The following FRMPD4 variants were observed in gnomAD, a reference collection of about 807,000 sequenced individuals.
FRMPD4 encodes FERM and PDZ domain-containing protein 4.
Under a neutral mutation model 94.1 loss-of-function variants are expected in FRMPD4, and 22 were observed. The ratio of observed to expected loss-of-function variants is 0.23; its 90% CI spans 0.17 to 0.33. FRMPD4 has a LOEUF of 0.33. Among genes scored for constraint, FRMPD4 ranks in the 10% least tolerant of loss-of-function variants. FRMPD4 has a pLI of 1.00. For synonymous variants in FRMPD4, 631 were observed against 548.6 expected, an observed-to-expected ratio of 1.15 and a Z score of -2.10; for missense variants, 1,111 against 1,339.9, an observed-to-expected ratio of 0.83 and a Z score of 2.67.
chrX:11,862,431 A>T (rs750392124), intron 1 of FRMPD4, among the ~76,000 whole-genome samples: 6 of 111,432 alleles, frequency 5.4e-5, no homozygotes, highest in Admixed American at 9.5e-5. Flanking sequence ...GATTGGGGAA[A>T]ATTTGGATGC....
At chrX:12,538,261 G>A (rs1030526465) in intron 2 of FRMPD4, among the ~76,000 whole-genome samples, 4 of 111,449 alleles carry the variant, frequency 3.6e-5, no homozygotes, top group African/African-American at 9.8e-5. Context: ...TGAACTGAAA[G>A]GCAGCAGCAG....
At chrX:11,838,395 G>T (rs1332542213) in intron 1 of FRMPD4, among the ~76,000 whole-genome samples, 5 of 111,553 alleles carry the variant, frequency 4.5e-5, no homozygotes. Flanking sequence ...TTGGTGTATT[G>T]TGCAAAAGTT....
Position 12,463,681 on chromosome X carries a change from G to GTGTTTTTT in FRMPD4, c.42-34998_42-34997insGTTTTTTT, listed in dbSNP as rs1555969426. ...GGGTGCCTGTGCCTCCTATGTGTGTGTTTTTTTTTTGTTTTTGTTTTTTTT... is the reference window on the plus strand; with the variant it reads ...GGGTGCCTGTGCCTCCTATGTGTGTGTGTTTTTTTTTTTTTTTTGTTTTTGTTTTTTTT... On this transcript the variant is annotated intron_variant, in intron 1 of 16. Transcript: ENST00000675598. Among the ~76,000 whole-genome samples, 359 of 51,026 alleles carry GTGTTTTTT rather than the reference G, an allele frequency of 7.0e-3. 13 individuals are homozygous for GTGTTTTTT. The highest frequency in any genetic ancestry group is 9.6e-3 in the Non-Finnish European group (282 of 29,301). 44.3% of individuals were successfully genotyped at this position (51,026 alleles called of 115,157 possible). A position where few individuals can be genotyped will look rare whatever the true frequency, so the allele number is the denominator to read the frequency against.
intron 3 of FRMPD4, among the ~76,000 whole-genome samples, chrX:11,995,089 G>T (rs1456890450): frequency 1.8e-5 from 2 of 111,463 alleles, no homozygotes; most frequent in Non-Finnish European, 3.8e-5. Flanking sequence ...TGAATAAGTG[G>T]TCTTTGGGCC....
chrX:12,188,244 C>G (rs12391243), intron 1 of FRMPD4, among the ~76,000 whole-genome samples: 22,490 of 111,547 alleles, frequency 0.2, 2,021 homozygotes, highest in East Asian at 0.63. Flanking sequence ...TATGTAGCAT[C>G]TAGCATTATC....
At chrX:12,202,338 C>T (rs747946233) in intron 1 of FRMPD4, among the ~76,000 whole-genome samples, 20 of 112,217 alleles carry the variant, frequency 1.8e-4, no homozygotes, top group Non-Finnish European at 3.0e-4. Context: ...AATGAATGAA[C>T]TGAACTATGT....
At chrX:12,474,042 C>CA (rs1164474480) in intron 1 of FRMPD4, among the ~76,000 whole-genome samples, 1 of 109,690 alleles carries the variant, frequency 9.1e-6, no homozygotes, top group African/African-American at 3.5e-5. Context: ...ACACCTATTC[C>CA]AAATTGACCA....
chrX:12,182,577 A>T (rs78427659), intron 1 of FRMPD4, among the ~76,000 whole-genome samples: 9,610 of 107,058 alleles, frequency 0.09, 476 homozygotes, highest in South Asian at 0.23. Flanking sequence ...TAAATAAATA[A>T]ATATATATAT....
At chrX:12,197,844 T>G (rs2056583953) in intron 1 of FRMPD4, among the ~76,000 whole-genome samples, 1 of 112,331 alleles carries the variant, frequency 8.9e-6, no homozygotes, top group Non-Finnish European at 1.9e-5. Flanking sequence ...TGTATTTCTT[T>G]TAAAGCCCTT....
chrX:11,966,142 T>C (rs2147376810), intron 3 of FRMPD4, among the ~76,000 whole-genome samples: 1 of 111,013 alleles, frequency 9.0e-6, no homozygotes, highest in South Asian at 3.8e-4. Context: ...TTCTATGCCA[T>C]GGAAACATAT....
chrX:12,717,421 TAAC>T, intron 15 of FRMPD4, 77 bp from the exon 16 acceptor site: 2 of 669,266 alleles, frequency 3.0e-6, no homozygotes, highest in Non-Finnish European at 4.6e-6. Context: ...GTTTTAGTAA[TAAC>T]GAGTCCCATT....
intron 3 of FRMPD4, among the ~76,000 whole-genome samples, chrX:12,098,284 A>C (rs2055224326): frequency 9.3e-6 from 1 of 107,233 alleles, no homozygotes; most frequent in South Asian, 3.9e-4. Flanking sequence ...AAAAAAAAAA[A>C]CATGGAAAAA....
At chrX:12,499,033 A>G (rs1440333023) in intron 2 of FRMPD4, among the ~76,000 whole-genome samples, 3 of 110,898 alleles carry the variant, frequency 2.7e-5, no homozygotes, top group Non-Finnish European at 5.7e-5. Flanking sequence ...GACAGGCACC[A>G]TCTTCGAATG....
intron 2 of FRMPD4, among the ~76,000 whole-genome samples, chrX:12,551,305 C>G (rs766069038): frequency 1.8e-5 from 2 of 110,822 alleles, no homozygotes; most frequent in South Asian, 7.6e-4. Flanking sequence ...CCTACCTATA[C>G]TACTTGACAC....
intron 3 of FRMPD4, among the ~76,000 whole-genome samples, chrX:12,017,781 A>C (rs1209554851): frequency 1.8e-5 from 2 of 111,925 alleles, no homozygotes; most frequent in African/African-American, 6.5e-5. Flanking sequence ...TGGGAGGATT[A>C]GCAGTATACA....
At chrX:12,596,243 C>A (rs1431700815) in intron 2 of FRMPD4, among the ~76,000 whole-genome samples, 1 of 111,219 alleles carries the variant, frequency 9.0e-6, no homozygotes, top group African/African-American at 3.3e-5. Flanking sequence ...AAAACAGATT[C>A]CTGGGTAATG....
At chrX:12,647,001 A>G (rs1191501698) in intron 4 of FRMPD4, among the ~76,000 whole-genome samples, 1 of 111,828 alleles carries the variant, frequency 8.9e-6, no homozygotes, top group Admixed American at 9.5e-5. Context: ...TGGCTCCAGG[A>G]TAACGTTATA....
chrX:12,199,263 G>T (rs1212998581), intron 1 of FRMPD4, among the ~76,000 whole-genome samples: 1 of 103,304 alleles, frequency 9.7e-6, no homozygotes, highest in African/African-American at 3.6e-5. Context: ...GTGTGTGTGT[G>T]TGTGTGTATG....
chrX:12,287,489 G>C (rs7061724), intron 1 of FRMPD4, among the ~76,000 whole-genome samples: 3 of 110,448 alleles, frequency 2.7e-5, no homozygotes, highest in Non-Finnish European at 5.7e-5. Flanking sequence ...CTTTGTATGC[G>C]TATAAAGGAG....
Sources: allele counts gnomAD v4.1 joint callset (sites outside exome capture counted in the v4.1 genomes callset), GRCh38; gene constraint gnomAD v4.1.1; transcripts MANE v1.5; gene names NCBI Gene and HGNC (gene_info 2026-07-23, HGNC 2026-07-21).